CADPS: variants seen among roughly 807,000 people sequenced by gnomAD.
The protein encoded by CADPS is calcium dependent secretion activator, also known as calcium-dependent secretion activator 1.
A neutral mutation model predicts 167.3 loss-of-function variants in CADPS; 57 were observed. The observed-to-expected ratio is 0.34, with a 90% CI of 0.28 to 0.42. The LOEUF (loss-of-function observed/expected upper bound fraction) is 0.42. Ranked by LOEUF, CADPS falls within the 20% of genes least tolerant of loss-of-function variation. CADPS has a pLI of 1.00. For synonymous variants in CADPS, 676 were observed against 635.3 expected (o/e 1.06, Z -0.96); for missense variants, 1,414 against 1,738.1 (o/e 0.81, Z 3.32).
At position 62,570,875 on chromosome 3, in the gene CADPS, C is replaced by T. The variant is rs1578016643; in HGVS notation, c.1641G>A (p.Val547=). Residue 547 remains valine, a synonymous_variant, in exon 9 of 30, where the codon GTG becomes GTA. Transcript: ENST00000383710. The part of the protein sequence containing the change: ...KRWKKRFFVL[V]QVSQYTFAMC... ...TAAGAGTTGAAGAGTTAGTTACCTG[C>T]ACCAATACAAAAAACCTTTTCTTCC... 1 of 1,604,730 alleles carries T rather than the reference C, an allele frequency of 6.2e-7. No homozygotes were observed. The highest frequency in any genetic ancestry group is 8.5e-7 in the Non-Finnish European group (1 of 1,171,448).
At chr3:62,641,063 A>C (rs1174763834) in intron 6 of CADPS, among the ~76,000 whole-genome samples, 1 of 152,012 alleles carries the variant, frequency 6.6e-6, no homozygotes, top group Non-Finnish European at 1.5e-5. Flanking sequence ...TTATTTACTT[A>C]ATATATTTTA....
At chr3:62,499,312 G>A (rs202185108) in intron 17 of CADPS, 44 bp from the exon 18 acceptor site, 1 of 1,306,766 alleles carries the variant, frequency 7.7e-7, no homozygotes, top group African/African-American at 1.5e-5. Flanking sequence ...AAAGTGGCAG[G>A]CTACTTTTAT....
intron 11 of CADPS, among the ~76,000 whole-genome samples, chr3:62,540,852 C>T (rs1023340253): frequency 5.9e-5 from 9 of 152,034 alleles, no homozygotes; most frequent in Non-Finnish European, 1.3e-4. Context: ...TTTCCCTGTA[C>T]AAACAGTTGG....
chr3:62,723,528 G>T (rs911647046), intron 3 of CADPS, among the ~76,000 whole-genome samples: 1 of 152,006 alleles, frequency 6.6e-6, no homozygotes, highest in Non-Finnish European at 1.5e-5. Flanking sequence ...GCTGTCAGAG[G>T]ACTACACAGG....
chr3:62,677,842 G>A, intron 3 of CADPS, among the ~76,000 whole-genome samples: 1 of 152,036 alleles, frequency 6.6e-6, no homozygotes, highest in Non-Finnish European at 1.5e-5. Context: ...AATTTTGACA[G>A]TTCATATGTG....
intron 13 of CADPS, among the ~76,000 whole-genome samples, chr3:62,523,095 C>G (rs1024049907): frequency 1.3e-5 from 2 of 152,190 alleles, no homozygotes; most frequent in Non-Finnish European, 2.9e-5. Context: ...GTTCTTGTCA[C>G]AGTGGTTAGC....
At chr3:62,775,328 C>T (rs1269661046) in intron 1 of CADPS, among the ~76,000 whole-genome samples, 2 of 152,110 alleles carry the variant, frequency 1.3e-5, no homozygotes, top group African/African-American at 4.8e-5. Context: ...GCTGGGATTA[C>T]AGGCATTAGC....
intron 8 of CADPS, among the ~76,000 whole-genome samples, chr3:62,584,630 A>T (rs866031005): frequency 6.6e-6 from 1 of 152,340 alleles, no homozygotes; most frequent in Middle Eastern, 3.4e-3. Flanking sequence ...CATCTTACCT[A>T]TTCTTTTTGC....
chr3:62,873,060 C>CA (rs1396667149), intron 1 of CADPS, among the ~76,000 whole-genome samples: 15 of 152,110 alleles, frequency 9.9e-5, no homozygotes, highest in Admixed American at 7.9e-4. Flanking sequence ...CTACTGCAGT[C>CA]AAAAATACGA....
chr3:62,499,467 A>G (rs1268507890), intron 17 of CADPS, 199 bp from the exon 18 acceptor site: 7 of 412,292 alleles, frequency 1.7e-5, no homozygotes, highest in Admixed American at 3.6e-5. Flanking sequence ...AATATATATT[A>G]GAAAAAAGCA....
In CADPS at chr3:62,570,925, T is replaced by C. The variant is rs750792310; in HGVS notation, c.1591A>G (p.Ile531Val). The change falls in exon 9 of 30, where the codon ATC becomes GTC. Residue 531 changes from isoleucine (I) to valine (V), a missense_variant. Transcript: ENST00000383710. ...CATCTCTTCCAGACATTCTTACCGA[T>C]GGCCCATAAATACCTAAGGGAAAGG... ...NMKHSGYLWAIGKNVWKRWKK... is the reference protein window; with the variant it reads ...NMKHSGYLWAVGKNVWKRWKK... 4.4e-6 allele frequency: 7 copies of C among 1,608,470 alleles called. No homozygotes were observed. In the African/African-American group the frequency reaches 5.3e-5, roughly 12 times the overall value.
intron 7 of CADPS, among the ~76,000 whole-genome samples, chr3:62,589,009 T>C (rs1183451805): frequency 3.3e-5 from 5 of 152,192 alleles, no homozygotes; most frequent in Non-Finnish European, 5.9e-5. Context: ...GAGGGTGAGA[T>C]AGAAGAGAAA....
intron 13 of CADPS, among the ~76,000 whole-genome samples, chr3:62,527,677 A>T (rs948639577): frequency 6.6e-6 from 1 of 152,196 alleles, no homozygotes; most frequent in Non-Finnish European, 1.5e-5. Context: ...GGTCACTGCC[A>T]CGTCAGTGGT....
intron 1 of CADPS, among the ~76,000 whole-genome samples, chr3:62,871,374 G>C (rs192551044): frequency 4.4e-4 from 67 of 152,186 alleles, no homozygotes; most frequent in Non-Finnish European, 3.5e-4. Flanking sequence ...CATCCACTTT[G>C]CCCATAGTGA....
At chr3:62,503,346 C>T (rs967401793) in intron 17 of CADPS, among the ~76,000 whole-genome samples, 1 of 152,196 alleles carries the variant, frequency 6.6e-6, no homozygotes, top group East Asian at 1.9e-4. Flanking sequence ...GTTTCCTCAT[C>T]TATAAATTGA....
At chr3:62,714,169 C>T (rs945404089) in intron 3 of CADPS, among the ~76,000 whole-genome samples, 2 of 152,072 alleles carry the variant, frequency 1.3e-5, no homozygotes, top group Non-Finnish European at 2.9e-5. Flanking sequence ...CTAGTTGGTA[C>T]AAAAGAAAAG....
intron 28 of CADPS, among the ~76,000 whole-genome samples, chr3:62,430,688 C>A (rs2053743544): frequency 1.3e-5 from 2 of 151,718 alleles, no homozygotes; most frequent in African/African-American, 2.4e-5. Flanking sequence ...ACACACACAC[C>A]CTATTTTAAA....
chr3:62,626,674 T>C, intron 6 of CADPS: 1 of 660,136 alleles, frequency 1.5e-6, no homozygotes. Context: ...GAGTTCCTTC[T>C]GCAGGGAACA....
chr3:62,595,308 A>T (rs927517531), intron 6 of CADPS, among the ~76,000 whole-genome samples: 10 of 152,192 alleles, frequency 6.6e-5, no homozygotes, highest in African/African-American at 2.4e-4. Context: ...TTTGAGGTAC[A>T]GATAGAAGCT....
Sources: gnomAD v4.1 joint callset for allele counts (sites outside exome capture counted in the v4.1 genomes callset) on GRCh38, gnomAD v4.1.1 for gene constraint, MANE v1.5 for transcripts, NCBI Gene and HGNC (gene_info 2026-07-23, HGNC 2026-07-21) for gene names.